COQ2: variants seen among roughly 807,000 people sequenced by gnomAD.
COQ2 encodes the protein 4-hydroxybenzoate polyprenyltransferase, mitochondrial.
A neutral mutation model predicts 35.7 loss-of-function variants in COQ2; 25 were observed. That is an observed-to-expected ratio of 0.70 (90% CI 0.51 to 0.98). COQ2 has a LOEUF of 0.98. COQ2 is among the 50% of genes least tolerant of loss of function. The pLI is 0.00. For missense variants in COQ2, 488 were observed against 473.5 expected (o/e 1.03, Z -0.28); for synonymous variants, 206 against 186.2 (o/e 1.11, Z -0.86).
intron 4 of COQ2, 74 bp downstream of exon 4, chr4:83,272,013 C>T: frequency 7.6e-6 from 7 of 924,664 alleles, no homozygotes; most frequent in East Asian, 5.7e-5. Context: ...TCATCTTTAC[C>T]TATTTACCTA....
At chr4:83,272,212 ACC>A (rs1735066468) in intron 3 of COQ2, 40 bp from the exon 4 acceptor site, 1 of 1,311,194 alleles carries the variant, frequency 7.6e-7, no homozygotes. Flanking sequence ...TATTACCACT[ACC>A]TCTTAGAAAC....
At chr4:83,276,087 TACATATTC>T (rs1325887266) in intron 2 of COQ2, among the ~76,000 whole-genome samples, 2 of 128,944 alleles carry the variant, frequency 1.6e-5, no homozygotes, top group African/African-American at 7.1e-5. Flanking sequence ...AATATATATA[TACATATTC>T]ATATATATAC....
At chr4:83,273,293 A>G (rs1435479256) in intron 3 of COQ2, among the ~76,000 whole-genome samples, 1 of 152,260 alleles carries the variant, frequency 6.6e-6, no homozygotes, top group African/African-American at 2.4e-5. Flanking sequence ...AACAAATTAA[A>G]TGTTCATTTC....
chr4:83,264,716 T>C (rs1419982531), intron 6 of COQ2, among the ~76,000 whole-genome samples: 4 of 152,210 alleles, frequency 2.6e-5, no homozygotes, highest in African/African-American at 4.8e-5. Flanking sequence ...TTAAGAATTT[T>C]CGGTTGAGGG....
rs567729948 is a variant in COQ2 at position 83,267,723 on chromosome 4, C to T, written c.814G>A (p.Gly272Arg). The change falls in exon 6 of 7, where the codon GGA (glycine) becomes AGA (arginine). Residue 272 changes from glycine (G) to arginine (R), a missense_variant. By Grantham distance (125) the Gly-to-Arg change is moderately radical. Transcript: ENST00000647002. ...IGLKSTALRF[G>R]ENTKPWLSGF... ...CTGAGCCACGGCTTGGTATTTTCTC[C>T]GAACCGCAGAGCCGTTGACTTAAGA... 2.8e-5 allele frequency: 43 copies of T among 1,552,578 alleles called. No individual in the cohort carries two copies. Among genetic ancestry groups the T allele is most frequent in the African/African-American group, 2.7e-4 (20 of 73,168 alleles).
At position 83,273,550 on chromosome 4, in the gene COQ2, A is replaced by C; in HGVS notation, c.488T>G (p.Leu163Arg). 6.2e-7 allele frequency: 1 copy of C among 1,613,886 alleles called. No homozygotes were observed. ...DISTFQSFVFLGGQLTLALGV... is the reference protein window; with the variant it reads ...DISTFQSFVFRGGQLTLALGV... The stretch of plus-strand genomic sequence containing the variant: ...CAGTGCCAGGGTTAGCTGTCCCCCA[A>C]GAAAAACAAAGGACTGAAAAGTTGA... The change falls in exon 3 of 7, where the codon CTT becomes CGT. Residue 163 changes from leucine to arginine, a missense_variant. Transcript: ENST00000647002.
chr4:83,264,932 C>G (rs569737124), intron 6 of COQ2, among the ~76,000 whole-genome samples: 1 of 152,194 alleles, frequency 6.6e-6, no homozygotes, highest in African/African-American at 2.4e-5. Flanking sequence ...TGGTGCAGCA[C>G]AAGATATTGA....
At chr4:83,273,714 T>C (rs982488970) in intron 2 of COQ2, 97 bp from the exon 3 acceptor site, 5 of 1,143,578 alleles carry the variant, frequency 4.4e-6, no homozygotes, top group Middle Eastern at 2.0e-4. Context: ...GGCACAAATA[T>C]GAATGAAGAG....
At chr4:83,272,260 T>C in intron 3 of COQ2, 88 bp from the exon 4 acceptor site, 1 of 630,558 alleles carries the variant, frequency 1.6e-6, no homozygotes, top group African/African-American at 1.9e-5. Flanking sequence ...TAAGTAATAC[T>C]AATTGGAAAA....
chr4:83,265,045 G>T (rs1268858543), intron 6 of COQ2, among the ~76,000 whole-genome samples: 2 of 152,168 alleles, frequency 1.3e-5, no homozygotes, highest in Non-Finnish European at 2.9e-5. Context: ...CCTACATTTA[G>T]GGAAGGGGAG....
intron 2 of COQ2, among the ~76,000 whole-genome samples, chr4:83,275,275 T>C (rs1484470585): frequency 6.6e-6 from 1 of 152,232 alleles, no homozygotes. Flanking sequence ...ATGAATCTTA[T>C]TTAAACCTTT....
chr4:83,266,115 A>T (rs1734912713), intron 6 of COQ2, among the ~76,000 whole-genome samples: 1 of 152,190 alleles, frequency 6.6e-6, no homozygotes, highest in African/African-American at 2.4e-5. Flanking sequence ...AGCTATGACC[A>T]AAAAGGGATG....
chr4:83,283,394 C>A, intron 1 of COQ2: 1 of 985,468 alleles, frequency 1.0e-6, no homozygotes, highest in Non-Finnish European at 1.2e-6. Context: ...CCATTTTCCA[C>A]ACCCACTTGG....
intron 2 of COQ2, among the ~76,000 whole-genome samples, chr4:83,276,038 T>C (rs1190654565): frequency 1.1e-4 from 2 of 18,730 alleles, no homozygotes; most frequent in Non-Finnish European, 4.0e-4. Context: ...TTATATAATA[T>C]ATAAAATATA....
intron 2 of COQ2, among the ~76,000 whole-genome samples, chr4:83,276,028 TTA>T (rs1272562934): frequency 9.2e-4 from 19 of 20,642 alleles, no homozygotes; most frequent in African/African-American, 1.5e-3. Context: ...ATATATATTT[TTA>T]TATAATATAT....
chr4:83,269,231 A>T (rs889520004), intron 5 of COQ2, among the ~76,000 whole-genome samples: 3 of 151,860 alleles, frequency 2.0e-5, no homozygotes, highest in Admixed American at 2.0e-4. Flanking sequence ...GAAACTGTGA[A>T]TTTTTTTTTA....
rs1272664257 is a variant in COQ2, at chr4:83,267,781, T to C, written c.763-7A>G. ...AAACATCATCTCTTTTGTCCTAATATCAGAAAGAAAAATAAACTGTTTTTT... is the reference window on the plus strand; with the variant it reads ...AAACATCATCTCTTTTGTCCTAATACCAGAAAGAAAAATAAACTGTTTTTT... On this transcript the variant is annotated splice_region_variant and splice_polypyrimidine_tract_variant and intron_variant, in intron 5 of 6. Coordinates refer to ENST00000647002, the MANE Select transcript of COQ2 (RefSeq NM_001358921.2). 1 of 1,530,806 alleles carries C rather than the reference T, an allele frequency of 6.5e-7. No homozygotes were observed. Among genetic ancestry groups the C allele is most frequent in the Non-Finnish European group, 8.8e-7 (1 of 1,138,214 alleles). The allele number at this position is 1,530,806 out of a possible 1,614,324, so 94.8% of individuals were successfully genotyped here. A position where few individuals can be genotyped will look rare whatever the true frequency, so the allele number is the denominator to read the frequency against.
rs1013073674 is a variant in COQ2 at position 83,264,147 on chromosome 4, T to G, written c.*52A>C. ...TTGTATCAGATTTTGTATTCAAATC[T>G]AATTATATTTTGTAAAAAATGTTTT... On this transcript the variant is annotated 3_prime_UTR_variant, in exon 7 of 7. Transcript: ENST00000647002. 1.4e-5 allele frequency: 13 copies of G among 930,848 alleles called. No individual in the cohort carries two copies. The African/African-American group carries it at 2.3e-4, about 16-fold the overall frequency. 57.7% of individuals were successfully genotyped at this position (930,848 alleles called of 1,614,324 possible).
At chr4:83,266,358 T>G (rs1211724861) in intron 6 of COQ2, among the ~76,000 whole-genome samples, 1 of 112,808 alleles carries the variant, frequency 8.9e-6, no homozygotes, top group Non-Finnish European at 1.7e-5. Flanking sequence ...TATCTTCTTT[T>G]TTTTTTGTTT....
Sources: gnomAD v4.1 joint callset for allele counts (sites outside exome capture counted in the v4.1 genomes callset) on GRCh38, gnomAD v4.1.1 for gene constraint, MANE v1.5 for transcripts, NCBI Gene and HGNC (gene_info 2026-07-23, HGNC 2026-07-21) for gene names.